The following PDE4B variants were observed in gnomAD, a reference collection of about 807,000 sequenced individuals.
The protein encoded by PDE4B is phosphodiesterase 4B.
A neutral mutation model predicts 82.2 loss-of-function variants in PDE4B; 20 were observed. That is an observed-to-expected ratio of 0.24 (90% CI 0.17 to 0.35). PDE4B has a LOEUF of 0.35. PDE4B is among the 10% of genes least tolerant of loss of function. The probability of loss-of-function intolerance (pLI) is 1.00; values close to 1 mark genes in which losing one functional copy is unlikely to be tolerated. For missense variants in PDE4B, 655 were observed against 907.2 expected (o/e 0.72, Z 3.57); for synonymous variants, 320 against 318.9 (o/e 1.00, Z -0.04).
At chr1:66,157,341 T>G (rs1646520927) in intron 3 of PDE4B, among the ~76,000 whole-genome samples, 1 of 152,220 alleles carries the variant, frequency 6.6e-6, no homozygotes, top group African/African-American at 2.4e-5. Flanking sequence ...GGTTCTTCAC[T>G]TCCTTTCTAG....
intron 7 of PDE4B, among the ~76,000 whole-genome samples, chr1:66,292,753 A>G (rs1004075669): frequency 6.6e-6 from 1 of 152,154 alleles, no homozygotes; most frequent in Non-Finnish European, 1.5e-5. Context: ...TTATTTACAT[A>G]ATTATCTCTA....
chr1:66,204,464 G>T (rs962230621), intron 3 of PDE4B, among the ~76,000 whole-genome samples: 1 of 152,258 alleles, frequency 6.6e-6, no homozygotes, highest in Non-Finnish European at 1.5e-5. Context: ...TACAGAGGCC[G>T]GCAGGCCTCC....
chr1:66,357,143 A>G (rs1378159441), intron 9 of PDE4B, among the ~76,000 whole-genome samples: 1 of 152,170 alleles, frequency 6.6e-6, no homozygotes, highest in African/African-American at 2.4e-5. Context: ...TTTTGTCTTC[A>G]TAAGCATTGC....
rs114685503 is a variant in PDE4B at position 66,336,289 on chromosome 1, C to T, written c.747+3669C>T. On this transcript the variant is annotated intron_variant, in intron 8 of 16. Coordinates refer to ENST00000341517, the MANE Select transcript of PDE4B (RefSeq NM_002600.4). Reference sequence around the variant, plus strand: ...TGCAACAACAGTGGCTGAGGAAGGACCAACCCAGAACAATCCCAGGGAGGC... The same window carrying T: ...TGCAACAACAGTGGCTGAGGAAGGATCAACCCAGAACAATCCCAGGGAGGC... Among the ~76,000 whole-genome samples the T allele has an allele frequency of 3.2e-3, 491 of 152,266 alleles. 4 individuals are homozygous for T. Among genetic ancestry groups the T allele is most frequent in the African/African-American group, 0.012 (479 of 41,542 alleles).
chr1:65,972,887 G>A (rs538995606), intron 3 of PDE4B, among the ~76,000 whole-genome samples: 1 of 152,184 alleles, frequency 6.6e-6, no homozygotes, highest in African/African-American at 2.4e-5. Context: ...TGCTACATTG[G>A]GCCATGCATA....
chr1:65,801,667 A>G (rs1369443437), intron 1 of PDE4B, among the ~76,000 whole-genome samples: 2 of 152,218 alleles, frequency 1.3e-5, no homozygotes, highest in Non-Finnish European at 2.9e-5. Context: ...GGTAAAATTT[A>G]TATTAAGAAA....
At chr1:65,994,161 T>C (rs1651403074) in intron 3 of PDE4B, among the ~76,000 whole-genome samples, 1 of 152,158 alleles carries the variant, frequency 6.6e-6, no homozygotes, top group South Asian at 2.1e-4. Context: ...ACATTATAAA[T>C]TGAGGAGATC....
At chr1:65,971,312 A>G (rs1009767686) in intron 3 of PDE4B, among the ~76,000 whole-genome samples, 2 of 152,030 alleles carry the variant, frequency 1.3e-5, no homozygotes, top group Non-Finnish European at 2.9e-5. Flanking sequence ...TAATAACTTG[A>G]TTGCTTTTTC....
At chr1:66,099,814 C>T (rs193053647) in intron 3 of PDE4B, among the ~76,000 whole-genome samples, 181 of 152,160 alleles carry the variant, frequency 1.2e-3, no homozygotes, top group African/African-American at 4.2e-3. Context: ...GGAGCAATCA[C>T]TTATGAATTT....
chr1:66,001,653 C>G (rs1377074608), intron 3 of PDE4B, among the ~76,000 whole-genome samples: 1 of 152,036 alleles, frequency 6.6e-6, no homozygotes, highest in Non-Finnish European at 1.5e-5. Context: ...ATATTCTAAT[C>G]TTTCTTGGGT....
intron 3 of PDE4B, among the ~76,000 whole-genome samples, chr1:66,173,136 G>T (rs369626851): frequency 6.6e-6 from 1 of 152,160 alleles, no homozygotes; most frequent in African/African-American, 2.4e-5. Context: ...GGATAAGTAG[G>T]CCATAAGTAA....
At chr1:65,871,752 G>A (rs1646575944) in intron 1 of PDE4B, among the ~76,000 whole-genome samples, 1 of 152,074 alleles carries the variant, frequency 6.6e-6, no homozygotes, top group South Asian at 2.1e-4. Flanking sequence ...TGTCTGCCTG[G>A]CTGACTTGTG....
chr1:65,986,065 A>G (rs1033797094), intron 3 of PDE4B, among the ~76,000 whole-genome samples: 9 of 152,176 alleles, frequency 5.9e-5, no homozygotes, highest in African/African-American at 1.9e-4. Flanking sequence ...TAAAAAGGAT[A>G]TTGGCTGTAA....
At chr1:65,876,590 T>C (rs186972640) in intron 1 of PDE4B, among the ~76,000 whole-genome samples, 1 of 152,258 alleles carries the variant, frequency 6.6e-6, no homozygotes, top group Admixed American at 6.5e-5. Context: ...CATTAGTAAA[T>C]TATTTAAATT....
chr1:66,131,767 C>A (rs1423213959), intron 3 of PDE4B, among the ~76,000 whole-genome samples: 1 of 151,282 alleles, frequency 6.6e-6, no homozygotes, highest in African/African-American at 2.4e-5. Context: ...GGGAATAGAA[C>A]AATGAATGAG....
intron 3 of PDE4B, among the ~76,000 whole-genome samples, chr1:66,185,468 G>C (rs1170696056): frequency 1.3e-5 from 2 of 151,982 alleles, no homozygotes; most frequent in African/African-American, 4.8e-5. Flanking sequence ...CAGTGTAAAA[G>C]TGTTCCTATT....
intron 7 of PDE4B, among the ~76,000 whole-genome samples, chr1:66,274,145 C>G (rs1263079177): frequency 6.6e-6 from 1 of 151,068 alleles, no homozygotes; most frequent in Non-Finnish European, 1.5e-5. Context: ...ACTCACTTTT[C>G]TTGTCTGAAA....
chr1:65,969,916 C>A (rs1459870050), intron 3 of PDE4B, among the ~76,000 whole-genome samples: 3 of 151,858 alleles, frequency 2.0e-5, no homozygotes, highest in African/African-American at 4.8e-5. Flanking sequence ...CAATTCTAAG[C>A]CAGAACAAAT....
chr1:65,818,685 C>CATATATATATATATATAT lies in PDE4B; in HGVS notation c.-71+25439_-71+25456dup, dbSNP rs58193032. Among the ~76,000 whole-genome samples the CATATATATATATATATAT allele has an allele frequency of 2.0e-3, 283 of 143,756 alleles. 4 individuals are homozygous for CATATATATATATATATAT. The East Asian group carries it at 0.036, about 18-fold the overall frequency. 94.3% of individuals were successfully genotyped at this position (143,756 alleles called of 152,430 possible). ...ATACATATATATTCACACACACACA[C>CATATATATATATATATAT]ATATATATATATATATATAAAATAA... is the stretch of plus-strand genomic sequence containing the variant. On this transcript the variant is annotated intron_variant, in intron 1 of 16. Transcript: ENST00000341517.
Sources: gnomAD v4.1 joint callset for allele counts (sites outside exome capture counted in the v4.1 genomes callset) on GRCh38, gnomAD v4.1.1 for gene constraint, MANE v1.5 for transcripts, NCBI Gene and HGNC (gene_info 2026-07-23, HGNC 2026-07-21) for gene names.